Variants in RGS5 observed in about 807,000 individuals in gnomAD.
RGS5 encodes the protein regulator of G protein signaling 5.
Under a neutral mutation model 18.9 loss-of-function variants are expected in RGS5, and 20 were observed. The ratio of observed to expected loss-of-function variants is 1.06; its 90% CI spans 0.74 to 1.54. RGS5 has a LOEUF of 1.54. RGS5 is among the 40% of genes most tolerant of loss of function. The pLI is 0.00. For synonymous variants in RGS5, 57 were observed against 76.2 expected (o/e 0.75, Z 1.31); for missense variants, 201 against 211.8 (o/e 0.95, Z 0.32).
intron 2 of RGS5, among the ~76,000 whole-genome samples, chr1:163,233,277 TG>T (rs1333202175): frequency 6.6e-6 from 1 of 152,240 alleles, no homozygotes; most frequent in Non-Finnish European, 1.5e-5. Context: ...GACATTACTT[TG>T]ACCACCTGAT....
chr1:163,193,484 G>A (rs1174679901), intron 1 of RGS5, among the ~76,000 whole-genome samples: 2 of 152,090 alleles, frequency 1.3e-5, no homozygotes, highest in Non-Finnish European at 2.9e-5. Context: ...GGACTTTTCA[G>A]GAGCTCTATG....
intron 2 of RGS5, among the ~76,000 whole-genome samples, chr1:163,256,186 T>C (rs1013832813): frequency 2.0e-5 from 3 of 152,234 alleles, no homozygotes; most frequent in East Asian, 3.9e-4. Flanking sequence ...TGTTTGCAGA[T>C]GACATGATTG....
intron 1 of RGS5, among the ~76,000 whole-genome samples, chr1:163,307,398 A>C (rs1201058733): frequency 2.6e-5 from 4 of 152,226 alleles, no homozygotes; most frequent in Admixed American, 2.6e-4. Context: ...GTGTGACATG[A>C]AAGTGAGAAC....
chr1:163,317,059 A>C (rs1270199105), intron 1 of RGS5, among the ~76,000 whole-genome samples: 1 of 151,982 alleles, frequency 6.6e-6, no homozygotes, highest in Non-Finnish European at 1.5e-5. Context: ...TCCATCTCAG[A>C]CCTCTCTTTT....
intron 1 of RGS5, among the ~76,000 whole-genome samples, chr1:163,216,147 T>C (rs1660212204): frequency 1.3e-5 from 2 of 152,092 alleles, no homozygotes; most frequent in African/African-American, 4.8e-5. Flanking sequence ...CAGGACTTCT[T>C]AGAGCTTTAC....
chr1:163,173,497 G>A (rs1658397053), intron 1 of RGS5, among the ~76,000 whole-genome samples: 1 of 152,190 alleles, frequency 6.6e-6, no homozygotes, highest in African/African-American at 2.4e-5. Flanking sequence ...TCCTGCTAGT[G>A]CGTGAATTTA....
intron 2 of RGS5, among the ~76,000 whole-genome samples, chr1:163,284,899 A>G (rs573542392): frequency 6.6e-6 from 1 of 152,152 alleles, no homozygotes; most frequent in Non-Finnish European, 1.5e-5. Context: ...CTGCTGATAA[A>G]GACATACCCA....
At chr1:163,194,193 A>G (rs2101651323) in intron 1 of RGS5, among the ~76,000 whole-genome samples, 1 of 152,296 alleles carries the variant, frequency 6.6e-6, no homozygotes. Flanking sequence ...TACTTTTCAC[A>G]AACTGGGAGT....
At chr1:163,181,614 T>C (rs1278085357) in intron 1 of RGS5, among the ~76,000 whole-genome samples, 1 of 152,214 alleles carries the variant, frequency 6.6e-6, no homozygotes, top group Non-Finnish European at 1.5e-5. Context: ...TAGCACGTTT[T>C]CACGGAATGA....
chr1:163,266,936 A>G (rs1163349010), intron 2 of RGS5, among the ~76,000 whole-genome samples: 2 of 152,176 alleles, frequency 1.3e-5, no homozygotes, highest in South Asian at 2.1e-4. Context: ...AAATAATATC[A>G]TATTATAAAA....
At position 163,170,580 on chromosome 1, in the gene RGS5, T is replaced by A. The variant is rs372345850; in HGVS notation, c.45-2212A>T. The stretch of plus-strand genomic sequence containing the variant: ...AGTTACGGATATTAGGGAAAAAAAA[T>A]GTAAGGAAACCTGTGGTAACTTATA... On this transcript the variant is annotated intron_variant, in intron 1 of 4. Transcript: ENST00000313961. Among the ~76,000 whole-genome samples the A allele has an allele frequency of 4.6e-5, 7 of 152,234 alleles. No individual in the cohort carries two copies. In the East Asian group the frequency reaches 1.4e-3, roughly 29 times the overall value.
At chr1:163,202,684 C>T (rs1659822038) in intron 1 of RGS5, 108 bp downstream of exon 1, 1 of 898,944 alleles carries the variant, frequency 1.1e-6, no homozygotes, top group Non-Finnish European at 1.8e-6. Context: ...ACCTGTTTCA[C>T]CTCAGCTTAG....
chr1:163,178,384 A>C (rs1479232384), intron 1 of RGS5, among the ~76,000 whole-genome samples: 1 of 152,234 alleles, frequency 6.6e-6, no homozygotes, highest in East Asian at 1.9e-4. Flanking sequence ...GAAAAGAGAG[A>C]ATCCCTGAGA....
chr1:163,215,097 TA>T (rs1295327032), intron 1 of RGS5, among the ~76,000 whole-genome samples: 2 of 152,204 alleles, frequency 1.3e-5, no homozygotes, highest in Non-Finnish European at 2.9e-5. Context: ...AAAATATACG[TA>T]AAATGGAATG....
chr1:163,232,275 CAG>C (rs1234879588), intron 2 of RGS5, among the ~76,000 whole-genome samples: 1 of 152,202 alleles, frequency 6.6e-6, no homozygotes, highest in East Asian at 1.9e-4. Context: ...TTGTGATGAG[CAG>C]AGACACACAA....
intron 2 of RGS5, among the ~76,000 whole-genome samples, chr1:163,267,896 T>G (rs1193837144): frequency 1.3e-5 from 2 of 152,154 alleles, no homozygotes; most frequent in African/African-American, 4.8e-5. Context: ...GTAACCATAT[T>G]TGGCAAATTA....
chr1:163,281,923 G>T (rs1228629385), intron 2 of RGS5, among the ~76,000 whole-genome samples: 3 of 152,048 alleles, frequency 2.0e-5, no homozygotes, highest in Non-Finnish European at 4.4e-5. Context: ...TCAACTCTCA[G>T]AGTGAATTAA....
At chr1:163,301,310 A>G (rs1484005250) in intron 2 of RGS5, among the ~76,000 whole-genome samples, 1 of 151,338 alleles carries the variant, frequency 6.6e-6, no homozygotes, top group Non-Finnish European at 1.5e-5. Flanking sequence ...GAGGAAAAAA[A>G]TCAGAAACGG....
At chr1:163,195,773 C>T (rs1195143238) in intron 1 of RGS5, among the ~76,000 whole-genome samples, 4 of 151,828 alleles carry the variant, frequency 2.6e-5, no homozygotes, top group African/African-American at 9.7e-5. Context: ...ATGTTTCCTT[C>T]ACTGCCTACA....
Sources: gnomAD v4.1 joint callset for allele counts (sites outside exome capture counted in the v4.1 genomes callset) on GRCh38, gnomAD v4.1.1 for gene constraint, MANE v1.5 for transcripts, NCBI Gene and HGNC (gene_info 2026-07-23, HGNC 2026-07-21) for gene names.